The following KIF4A variants were observed in gnomAD, a reference collection of about 807,000 sequenced individuals.
KIF4A encodes chromosome-associated kinesin KIF4A.
A neutral mutation model predicts 105.9 loss-of-function variants in KIF4A; 7 were observed. That is an observed-to-expected ratio of 0.07 (90% CI 0.04 to 0.12). The LOEUF (loss-of-function observed/expected upper bound fraction) is 0.12, where lower values mean the gene tolerates loss of function less well. KIF4A is among the 10% of genes least tolerant of loss of function. The pLI is 1.00. For synonymous variants in KIF4A, 281 were observed against 331.3 expected (o/e 0.85, Z 1.65); for missense variants, 558 against 929.2 (o/e 0.60, Z 5.19).
intron 15 of KIF4A, among the ~76,000 whole-genome samples, chrX:70,354,650 T>A (rs2086043967): frequency 8.9e-6 from 1 of 112,328 alleles, no homozygotes; most frequent in Non-Finnish European, 1.9e-5. Context: ...ACCCTATCTA[T>A]CCTGGGAAGT....
chrX:70,388,918 AT>A (rs1327938599), intron 20 of KIF4A, among the ~76,000 whole-genome samples: 1 of 111,892 alleles, frequency 8.9e-6, no homozygotes, highest in Non-Finnish European at 1.9e-5. Flanking sequence ...ATTTATTGAT[AT>A]TTTTTTCTTT....
chrX:70,414,798 C>T (rs1401408719), intron 28 of KIF4A, among the ~76,000 whole-genome samples: 1 of 111,692 alleles, frequency 9.0e-6, no homozygotes, highest in Admixed American at 9.5e-5. Context: ...AATAGAGCTT[C>T]AGATAATTAG....
At chrX:70,308,325 T>A in intron 7 of KIF4A, among the ~76,000 whole-genome samples, 1 of 112,452 alleles carries the variant, frequency 8.9e-6, no homozygotes, top group Middle Eastern at 4.7e-3. Flanking sequence ...ATTTTGGCAT[T>A]GCCTAATTTA....
chrX:70,328,999 C>T (rs1281464335), intron 7 of KIF4A, among the ~76,000 whole-genome samples: 1 of 111,343 alleles, frequency 9.0e-6, no homozygotes, highest in Non-Finnish European at 1.9e-5. Flanking sequence ...GAGCTTCTTT[C>T]TTTATCTGTA....
chrX:70,419,936 T>C, intron 30 of KIF4A, 126 bp from the exon 31 acceptor site: 1 of 1,001,779 alleles, frequency 1.0e-6, no homozygotes, highest in East Asian at 3.1e-5. Flanking sequence ...TCTGGTTTTT[T>C]CCATAGAATG....
chrX:70,304,649 CTTTTT>C (rs138222376), intron 7 of KIF4A, among the ~76,000 whole-genome samples: 1 of 51,538 alleles, frequency 1.9e-5, no homozygotes, highest in South Asian at 1.5e-3. Flanking sequence ...TACTTCATTC[CTTTTT>C]TTTTTTTTTT....
At chrX:70,292,154 A>G (rs1038654162) in intron 3 of KIF4A, among the ~76,000 whole-genome samples, 1 of 111,922 alleles carries the variant, frequency 8.9e-6, no homozygotes, top group Non-Finnish European at 1.9e-5. Context: ...ATTTCCTACA[A>G]AAAAGGACTT....
chrX:70,293,559 C>G (rs925911810), intron 3 of KIF4A, among the ~76,000 whole-genome samples: 8 of 112,084 alleles, frequency 7.1e-5, no homozygotes, highest in Non-Finnish European at 1.3e-4. Context: ...GCGGTTTTGT[C>G]ATTGTATGAA....
chrX:70,375,411 A>G, intron 17 of KIF4A, 63 bp downstream of exon 17: 2 of 1,077,236 alleles, frequency 1.9e-6, no homozygotes, highest in Non-Finnish European at 2.6e-6. Flanking sequence ...TATTCCATTT[A>G]GAAATATACT....
In KIF4A at chrX:70,420,489, G is replaced by A. The variant is rs1602823864; in HGVS notation, c.*224G>A. On this transcript the variant is annotated 3_prime_UTR_variant, in exon 31 of 31. Coordinates refer to ENST00000374403, the MANE Select transcript of KIF4A (RefSeq NM_012310.5). Reference sequence around the variant, plus strand: ...CCAGAAGGGTGCTAAGTCACCTACTGAAGAGAGAACCAACTGACTTTCCTA... The same window carrying A: ...CCAGAAGGGTGCTAAGTCACCTACTAAAGAGAGAACCAACTGACTTTCCTA... The A allele has an allele frequency of 4.8e-5, 20 of 420,129 alleles. No homozygotes were observed. The East Asian group carries it at 8.3e-4, about 17-fold the overall frequency. 34.6% of individuals were successfully genotyped at this position (420,129 alleles called of 1,213,427 possible). A position where few individuals can be genotyped will look rare whatever the true frequency, so the allele number is the denominator to read the frequency against.
In KIF4A at chrX:70,290,426, T is replaced by C; in HGVS notation, c.-21-12T>C. 8.4e-7 allele frequency: 1 copy of C among 1,194,208 alleles called. No homozygotes were observed. Among genetic ancestry groups the C allele is most frequent in the Non-Finnish European group, 1.1e-6 (1 of 886,195 alleles). ...AACATTCATCAGCGAGCCTTCTTTT[T>C]CCCCCTCGCAGAGACGGTGCTGAGA... On this transcript the variant is annotated splice_polypyrimidine_tract_variant and intron_variant, in intron 1 of 30. Transcript: ENST00000374403.
At chrX:70,329,546 TA>T (rs1228189345) in intron 8 of KIF4A, 25 bp downstream of exon 8, 1 of 1,117,764 alleles carries the variant, frequency 8.9e-7, no homozygotes, top group Non-Finnish European at 1.2e-6. Flanking sequence ...CCTCCAAAAA[TA>T]AGAGAGTAAC....
intron 15 of KIF4A, among the ~76,000 whole-genome samples, chrX:70,360,152 C>T (rs1241965105): frequency 8.9e-6 from 1 of 111,936 alleles, no homozygotes; most frequent in Non-Finnish European, 1.9e-5. Flanking sequence ...GCCTGGGGCA[C>T]GCGGTTTTCA....
intron 15 of KIF4A, among the ~76,000 whole-genome samples, chrX:70,372,142 G>A (rs1453460821): frequency 9.5e-6 from 1 of 104,928 alleles, no homozygotes; most frequent in Admixed American, 1.0e-4. Flanking sequence ...CGGCAGAGAC[G>A]CTCCTCACTT....
chrX:70,328,614 A>G (rs2085919233), intron 7 of KIF4A, among the ~76,000 whole-genome samples: 1 of 112,020 alleles, frequency 8.9e-6, no homozygotes, highest in South Asian at 3.7e-4. Flanking sequence ...TAAGGTAGGT[A>G]GATTTGCCTC....
intron 7 of KIF4A, among the ~76,000 whole-genome samples, chrX:70,314,224 A>G (rs2085861326): frequency 8.9e-6 from 1 of 112,450 alleles, no homozygotes; most frequent in Admixed American, 9.4e-5. Flanking sequence ...TGTCAAAGGC[A>G]AGTCCTCCAC....
intron 7 of KIF4A, among the ~76,000 whole-genome samples, chrX:70,317,768 TC>T (rs1440749190): frequency 9.0e-6 from 1 of 111,111 alleles, no homozygotes; most frequent in Non-Finnish European, 1.9e-5. Flanking sequence ...GGTCTTTAAT[TC>T]CTGGGCTCAA....
At chrX:70,372,470 G>A (rs1291135111) in intron 15 of KIF4A, among the ~76,000 whole-genome samples, 3 of 113,707 alleles carry the variant, frequency 2.6e-5, no homozygotes, top group Non-Finnish European at 5.6e-5. Context: ...GCGAAACCCC[G>A]TCTCCACCAA....
rs758746504 is a variant in KIF4A, at chrX:70,347,900, G to A, written c.1431+3918G>A. Among the ~76,000 whole-genome samples, 240 of 85,598 alleles carry A rather than the reference G, an allele frequency of 2.8e-3. 2 individuals are homozygous for A. The highest frequency in any genetic ancestry group is 0.01 in the African/African-American group (224 of 22,255). The allele number at this position is 85,598 out of a possible 115,157, so 74.3% of individuals were successfully genotyped here. A position where few individuals can be genotyped will look rare whatever the true frequency, so the allele number is the denominator to read the frequency against. ...TGAGGCAGGAGAATGGCGTGAACCC[G>A]GGAGGCGGAGCTTGCAGTGAGCCGA... On this transcript the variant is annotated intron_variant, in intron 13 of 30. Coordinates refer to ENST00000374403, the MANE Select transcript of KIF4A (RefSeq NM_012310.5).
Sources: allele counts gnomAD v4.1 joint callset (sites outside exome capture counted in the v4.1 genomes callset), GRCh38; gene constraint gnomAD v4.1.1; transcripts MANE v1.5; gene names NCBI Gene and HGNC (gene_info 2026-07-23, HGNC 2026-07-21).